The following ZNF559 variants were observed in gnomAD, a reference collection of about 807,000 sequenced individuals.
The protein encoded by ZNF559 is putative protein product of Nbla00121.
Under a neutral mutation model 14.2 loss-of-function variants are expected in ZNF559, and 17 were observed. The ratio of observed to expected loss-of-function variants is 1.20; its 90% CI spans 0.82 to 1.80. The LOEUF (loss-of-function observed/expected upper bound fraction) is 1.80, where lower values mean the gene tolerates loss of function less well. Ranked by LOEUF, ZNF559 falls within the 40% of genes most tolerant of loss-of-function variation. The pLI is 0.00. For synonymous variants in ZNF559, 244 were observed against 212.4 expected (o/e 1.15, Z -1.29); for missense variants, 740 against 629.7 (o/e 1.18, Z -1.88).
intron 2 of ZNF559, among the ~76,000 whole-genome samples, chr19:9,337,156 G>A (rs573725736): frequency 9.9e-5 from 15 of 152,244 alleles, no homozygotes; most frequent in African/African-American, 1.4e-4. Context: ...GGTTAGTCCC[G>A]TAGGCATACA....
At chr19:9,333,084 C>T (rs2067024273) in intron 2 of ZNF559, 2 of 152,212 alleles carry the variant, frequency 1.3e-5, no homozygotes, top group Admixed American at 1.3e-4. Flanking sequence ...GTTGCTCCCA[C>T]CTCAGTCTTC....
rs748752420 is a variant in ZNF559 at position 9,342,524 on chromosome 19, G to A, written c.1073G>A (p.Cys358Tyr). 6 of 1,614,036 alleles carry A rather than the reference G, an allele frequency of 3.7e-6. No homozygotes were observed. The South Asian group carries it at 6.6e-5, about 18-fold the overall frequency. The part of the protein sequence containing the change: ...TGEKPYECKE[C>Y]GKAFANSSHL... ...GAAAAGCCTTATGAATGTAAGGAAT[G>A]TGGGAAAGCTTTTGCTAACTCTTCA... is the stretch of plus-strand genomic sequence containing the variant. Residue 358 changes from cysteine (C) to tyrosine (Y), a missense_variant, in exon 7 of 7, where the codon TGT becomes TAT. Coordinates refer to ENST00000603380, the MANE Select transcript of ZNF559 (RefSeq NM_032497.3).
At chr19:9,332,363 A>ATATG (rs2066984955) in intron 2 of ZNF559, among the ~76,000 whole-genome samples, 1 of 151,866 alleles carries the variant, frequency 6.6e-6, no homozygotes, top group African/African-American at 2.4e-5. Context: ...GTGTATATAT[A>ATATG]TATATATCAC....
chr19:9,335,893 A>G (rs1202359199), intron 2 of ZNF559, among the ~76,000 whole-genome samples: 1 of 152,370 alleles, frequency 6.6e-6, no homozygotes, highest in Non-Finnish European at 1.5e-5. Context: ...TAAACGTAAT[A>G]GTTAAGCATT....
chr19:9,324,115 C>G (rs112192733), upstream of ZNF559: 4,226 of 1,522,428 alleles, frequency 2.8e-3, 107 homozygotes, highest in African/African-American at 0.052. Flanking sequence ...GGCCCGGGAA[C>G]CCGAGGCCCC....
chr19:9,338,044 G>A (rs2067337839), intron 3 of ZNF559, 186 bp downstream of exon 3: 1 of 1,526,966 alleles, frequency 6.5e-7, no homozygotes, highest in Non-Finnish European at 8.8e-7. Flanking sequence ...GGTCCTTCAA[G>A]ACGCTGCTTT....
chr19:9,342,548 C>G lies in ZNF559; in HGVS notation c.1097C>G (p.Ser366Ter). ...KECGKAFANS[S>*]HLTVHMRTHT... ...TGTGGGAAAGCTTTTGCTAACTCTTCACATCTTACTGTACATATGAGAACT... is the reference window on the plus strand; with the variant it reads ...TGTGGGAAAGCTTTTGCTAACTCTTGACATCTTACTGTACATATGAGAACT... Residue 366 changes from serine (S) to a stop codon, truncating the protein, a stop_gained, in exon 7 of 7, where the codon TCA (serine) becomes TGA (stop). Transcript: ENST00000603380. LOFTEE classifies it low-confidence loss of function (END_TRUNC). The G allele has an allele frequency of 1.2e-6, 2 of 1,614,008 alleles. No individual in the cohort carries two copies. Among genetic ancestry groups the G allele is most frequent in the South Asian group, 1.1e-5 (1 of 91,054 alleles).
intron 2 of ZNF559, among the ~76,000 whole-genome samples, chr19:9,328,478 T>G (rs939350695): frequency 6.0e-5 from 9 of 150,530 alleles, no homozygotes; most frequent in African/African-American, 2.2e-4. Context: ...TTCAGCCTCC[T>G]GAGTAGCTGG....
rs1184465196 is a variant in ZNF559, at chr19:9,344,327, A to C, written c.*1259A>C. 1 of 152,168 alleles carries C rather than the reference A, an allele frequency of 6.6e-6. No homozygotes were observed. Among genetic ancestry groups the C allele is most frequent in the African/African-American group, 2.4e-5 (1 of 41,438 alleles). 9.4% of individuals were successfully genotyped at this position (152,168 alleles called of 1,614,324 possible). A position where few individuals can be genotyped will look rare whatever the true frequency, so the allele number is the denominator to read the frequency against. ...GAATTGAGGAACATTTAGGGGTACA[A>C]ATTTTCACTTATTGCACACAAGAAA... On this transcript the variant is annotated 3_prime_UTR_variant, in exon 7 of 7. Coordinates refer to ENST00000603380, the MANE Select transcript of ZNF559 (RefSeq NM_032497.3).
chr19:9,342,457 G>A lies in ZNF559; in HGVS notation c.1006G>A (p.Asp336Asn), dbSNP rs759004350. Residue 336 changes from aspartate (D) to asparagine (N), a missense_variant, in exon 7 of 7, where the codon GAT becomes AAT. Asp to Asn is a conservative substitution (Grantham distance 23). Transcript: ENST00000603380. Reference sequence around the variant, plus strand: ...CAACAAATGTGGGAAAGCCTTCACTGATTCATCAGGTCTTATAAAACACAG... The same window carrying A: ...CAACAAATGTGGGAAAGCCTTCACTAATTCATCAGGTCTTATAAAACACAG... ...ECNKCGKAFT[D>N]SSGLIKHRRT... 9.9e-6 allele frequency: 16 copies of A among 1,613,758 alleles called. No individual in the cohort carries two copies.
chr19:9,328,116 A>G (rs1045083731), intron 2 of ZNF559, among the ~76,000 whole-genome samples: 1 of 151,966 alleles, frequency 6.6e-6, no homozygotes, highest in African/African-American at 2.4e-5. Context: ...TTATGTTTGT[A>G]TCTCTTATCT....
chr19:9,341,340 T>C, intron 6 of ZNF559, 156 bp downstream of exon 6: 1 of 772,690 alleles, frequency 1.3e-6, no homozygotes, highest in Non-Finnish European at 2.2e-6. Flanking sequence ...GGATCATGAG[T>C]TTGACAAACA....
Position 9,342,424 on chromosome 19 carries a change from T to C in ZNF559, c.973T>C (p.Tyr325His). Reference protein sequence around the residue: ...HIRVHTGEKPYECNKCGKAFT... With the variant: ...HIRVHTGEKPHECNKCGKAFT... The stretch of plus-strand genomic sequence containing the variant: ...AAGGGTTCACACTGGAGAAAAACCG[T>C]ATGAGTGCAACAAATGTGGGAAAGC... Residue 325 changes from tyrosine (Y) to histidine (H), a missense_variant, in exon 7 of 7, where the codon TAT becomes CAT. Transcript: ENST00000603380. 1 of 1,614,178 alleles carries C rather than the reference T, an allele frequency of 6.2e-7. No individual in the cohort carries two copies. Among genetic ancestry groups the C allele is most frequent in the Non-Finnish European group, 8.5e-7 (1 of 1,180,036 alleles).
intron 6 of ZNF559, 110 bp from the exon 7 acceptor site, chr19:9,341,585 A>C (rs1568367537): frequency 6.4e-7 from 1 of 1,566,678 alleles, no homozygotes; most frequent in Admixed American, 1.8e-5. Context: ...AAACAGTTTC[A>C]ATTATACTAA....
chr19:9,324,269 T>C, intron 1 of ZNF559, 41 bp downstream of exon 1: 7 of 1,536,050 alleles, frequency 4.6e-6, no homozygotes, highest in Non-Finnish European at 6.1e-6. Flanking sequence ...GGTGTCCCGG[T>C]GCAGCCACGC....
chr19:9,338,391 C>G, intron 3 of ZNF559, 103 bp from the exon 4 acceptor site: 2 of 790,820 alleles, frequency 2.5e-6, no homozygotes, highest in Non-Finnish European at 4.0e-6. Context: ...TTTATTATAA[C>G]GTGTGTGTGT....
At position 9,342,454 on chromosome 19, in the gene ZNF559, A is replaced by G. The variant is rs577466868; in HGVS notation, c.1003A>G (p.Thr335Ala). The G allele has an allele frequency of 1.2e-6, 2 of 1,614,170 alleles. No homozygotes were observed. The highest frequency in any genetic ancestry group is 1.7e-6 in the Non-Finnish European group (2 of 1,180,036). The change falls in exon 7 of 7, where the codon ACT (threonine) becomes GCT (alanine). Residue 335 changes from threonine to alanine, a missense_variant. Transcript: ENST00000603380. ...YECNKCGKAF[T>A]DSSGLIKHRR... ...GTGCAACAAATGTGGGAAAGCCTTC[A>G]CTGATTCATCAGGTCTTATAAAACA...
intron 2 of ZNF559, among the ~76,000 whole-genome samples, chr19:9,325,350 G>A (rs80023822): frequency 1.3e-5 from 2 of 152,014 alleles, no homozygotes; most frequent in East Asian, 1.9e-4. Flanking sequence ...GCCGAGATGC[G>A]AGGATCACTT....
rs1208980739 is a variant in ZNF559, at chr19:9,342,311, A to G, written c.860A>G (p.His287Arg). ...AFAFSPDLAK[H>R]IRLRTRGKHY... ...GCTTTTTCCCCAGATCTTGCTAAAC[A>G]TATAAGACTTAGAACTAGAGGAAAA... is the stretch of plus-strand genomic sequence containing the variant. Residue 287 changes from histidine to arginine, a missense_variant, in exon 7 of 7, where the codon CAT becomes CGT. His to Arg is a conservative substitution (Grantham distance 29). Transcript: ENST00000603380. The G allele has an allele frequency of 1.3e-5, 20 of 1,597,284 alleles. No homozygotes were observed. Among genetic ancestry groups the G allele is most frequent in the Non-Finnish European group, 1.7e-5 (20 of 1,174,280 alleles).
Sources: gnomAD v4.1 joint callset for allele counts (sites outside exome capture counted in the v4.1 genomes callset) on GRCh38, gnomAD v4.1.1 for gene constraint, MANE v1.5 for transcripts, NCBI Gene and HGNC (gene_info 2026-07-23, HGNC 2026-07-21) for gene names.